DCT: variants seen among roughly 807,000 people sequenced by gnomAD.
DCT encodes the protein L-dopachrome tautomerase.
DCT carries 47 observed loss-of-function variants against 53.0 expected under a neutral mutation model. The ratio of observed to expected loss-of-function variants is 0.89; its 90% confidence interval spans 0.70 to 1.13. The LOEUF (loss-of-function observed/expected upper bound fraction) is 1.13. Ranked by LOEUF, DCT falls within the 50% of genes most tolerant of loss-of-function variation. DCT has a pLI of 0.00. For synonymous variants in DCT, 244 were observed against 237.0 expected, an observed-to-expected ratio of 1.03 and a Z score of -0.27; for missense variants, 669 against 637.4, an observed-to-expected ratio of 1.05 and a Z score of -0.53.
chr13:94,542,438 G>A, the DCT span, among the ~76,000 whole-genome samples: 6 of 152,222 alleles, frequency 3.9e-5, no homozygotes, highest in South Asian at 2.1e-4. Context: ...TGATCCGCCC[G>A]CCTCGGCCTC....
chr13:94,507,602 G>A, the DCT span, among the ~76,000 whole-genome samples: 218 of 151,380 alleles, frequency 1.4e-3, no homozygotes, highest in African/African-American at 5.1e-3. Flanking sequence ...CTGGGTTCAC[G>A]CCATTCTCCT....
intron 1 of DCT, among the ~76,000 whole-genome samples, chr13:94,472,535 TATATATATATATATATATATATATATA>T (rs1566854555): frequency 2.5e-4 from 6 of 23,950 alleles, no homozygotes; most frequent in Non-Finnish European, 3.6e-4. Flanking sequence ...TATATATATA[TATATATATATATATATATATATATATA>T]TATATATTTT....
At chr13:94,515,138 A>G in the DCT span, among the ~76,000 whole-genome samples, 12,757 of 152,222 alleles carry the variant, frequency 0.084, 1,208 homozygotes, top group African/African-American at 0.23. Flanking sequence ...GCAGAACCCA[A>G]CGATGTTGGT....
the DCT span, among the ~76,000 whole-genome samples, chr13:94,541,299 T>C: frequency 1.3e-5 from 2 of 151,464 alleles, no homozygotes; most frequent in East Asian, 3.9e-4. Flanking sequence ...AAGTCAGGAG[T>C]TCAAGACCAG....
At chr13:94,540,674 G>A in the DCT span, among the ~76,000 whole-genome samples, 2 of 152,132 alleles carry the variant, frequency 1.3e-5, no homozygotes, top group African/African-American at 2.4e-5. Context: ...GTGGAGAAAG[G>A]GGAACCCTCG....
chr13:94,439,777 A>G lies in DCT; in HGVS notation c.*121T>C, dbSNP rs1882145008. The G allele has an allele frequency of 6.6e-6, 5 of 752,136 alleles. No individual in the cohort carries two copies. The highest frequency in any genetic ancestry group is 1.8e-5 in the African/African-American group (1 of 57,066). 46.6% of individuals were successfully genotyped at this position (752,136 alleles called of 1,614,324 possible). On this transcript the variant is annotated 3_prime_UTR_variant, in exon 8 of 8. Coordinates refer to ENST00000377028, the MANE Select transcript of DCT (RefSeq NM_001922.5). ...TCTTCTGAATGAGATCATCATCACT[A>G]TAGAAGAACCTATGTCAAAGATCTT... is the stretch of plus-strand genomic sequence containing the variant.
At chr13:94,521,983 C>A in the DCT span, among the ~76,000 whole-genome samples, 1 of 152,320 alleles carries the variant, frequency 6.6e-6, no homozygotes, top group South Asian at 2.1e-4. Flanking sequence ...ATCAATGGAA[C>A]CATATAATAC....
chr13:94,540,435 G>A, the DCT span, among the ~76,000 whole-genome samples: 40,103 of 152,130 alleles, frequency 0.26, 6,578 homozygotes, highest in East Asian at 0.61. Flanking sequence ...AACTAAACAT[G>A]TAAGGAACTC....
the DCT span, among the ~76,000 whole-genome samples, chr13:94,529,606 C>T: frequency 2.0e-5 from 3 of 152,160 alleles, no homozygotes; most frequent in African/African-American, 7.2e-5. Flanking sequence ...AACAAAGACA[C>T]AACATACCAG....
intron 1 of DCT, among the ~76,000 whole-genome samples, chr13:94,478,169 C>T (rs1374529285): frequency 7.2e-6 from 1 of 139,356 alleles, no homozygotes; most frequent in Non-Finnish European, 1.6e-5. Flanking sequence ...CCCCCCCACC[C>T]CCAGCTCCTC....
chr13:94,499,567 G>A, the DCT span, among the ~76,000 whole-genome samples: 2 of 152,042 alleles, frequency 1.3e-5, no homozygotes, highest in Non-Finnish European at 2.9e-5. Context: ...AAGCAAACCT[G>A]GCAGCATGAA....
chr13:94,447,645 T>C (rs1882819041), intron 6 of DCT, among the ~76,000 whole-genome samples: 1 of 152,210 alleles, frequency 6.6e-6, no homozygotes, highest in South Asian at 2.1e-4. Context: ...AGAAAGAGGA[T>C]ACTTTGACCT....
chr13:94,457,983 C>T (rs1883520042), intron 6 of DCT, among the ~76,000 whole-genome samples: 1 of 152,170 alleles, frequency 6.6e-6, no homozygotes. Flanking sequence ...GCAGACAAGG[C>T]CACTCTGTGA....
chr13:94,449,046 T>C (rs1882917866), intron 6 of DCT, among the ~76,000 whole-genome samples: 1 of 151,910 alleles, frequency 6.6e-6, no homozygotes, highest in Non-Finnish European at 1.5e-5. Context: ...AAACCTATTC[T>C]GTCTTGTTCC....
intron 6 of DCT, among the ~76,000 whole-genome samples, chr13:94,458,250 A>G (rs2139317723): frequency 1.3e-5 from 2 of 152,238 alleles, no homozygotes; most frequent in Admixed American, 1.3e-4. Context: ...GATTCAGAGC[A>G]AAGCTTCCAA....
the DCT span, among the ~76,000 whole-genome samples, chr13:94,539,142 C>T: frequency 6.6e-6 from 1 of 152,132 alleles, no homozygotes. Flanking sequence ...GAAATCAAAC[C>T]CACCTTTTGA....
chr13:94,516,293 G>A, the DCT span, among the ~76,000 whole-genome samples: 5,001 of 152,218 alleles, frequency 0.033, 126 homozygotes, highest in Non-Finnish European at 0.046. Flanking sequence ...TAAGGCTTGA[G>A]GAGGAAAGAT....
chr13:94,513,725 G>A, the DCT span, among the ~76,000 whole-genome samples: 20 of 152,074 alleles, frequency 1.3e-4, no homozygotes, highest in African/African-American at 3.4e-4. Context: ...GGTGGGTCAC[G>A]CCTGTAATCT....
the DCT span, among the ~76,000 whole-genome samples, chr13:94,495,188 C>G: frequency 6.6e-6 from 1 of 152,138 alleles, no homozygotes; most frequent in South Asian, 2.1e-4. Flanking sequence ...CCTCTGCCTG[C>G]CAGGCTCAAG....
Sources: gnomAD v4.1 joint callset for allele counts (sites outside exome capture counted in the v4.1 genomes callset) on GRCh38, gnomAD v4.1.1 for gene constraint, MANE v1.5 for transcripts, NCBI Gene and HGNC (gene_info 2026-07-23, HGNC 2026-07-21) for gene names.